KDM4C: variants seen among roughly 807,000 people sequenced by gnomAD.
KDM4C encodes lysine demethylase 4C.
KDM4C carries 81 observed loss-of-function variants against 129.3 expected under a neutral mutation model. That is an observed-to-expected ratio of 0.63 (90% CI 0.52 to 0.75). The LOEUF is 0.75. Ranked by LOEUF, KDM4C falls within the 30% of genes least tolerant of loss-of-function variation. KDM4C has a pLI of 0.00. For synonymous variants in KDM4C, 573 were observed against 456.1 expected (o/e 1.26, Z -3.26); for missense variants, 1,457 against 1,304.0 (o/e 1.12, Z -1.81).
intron 12 of KDM4C, among the ~76,000 whole-genome samples, chr9:7,002,380 A>G (rs1820888416): frequency 6.6e-6 from 1 of 152,232 alleles, no homozygotes; most frequent in Non-Finnish European, 1.5e-5. Flanking sequence ...GTTACGTTTT[A>G]TTAGTACAAT....
intron 8 of KDM4C, among the ~76,000 whole-genome samples, chr9:6,932,525 CATAGCA>C (rs1201594789): frequency 6.6e-6 from 1 of 152,146 alleles, no homozygotes. Flanking sequence ...TTGAAGCAAT[CATAGCA>C]GTAGCAGTAG....
chr9:6,948,484 TTTGCA>T (rs1827378986), intron 8 of KDM4C, among the ~76,000 whole-genome samples: 1 of 144,980 alleles, frequency 6.9e-6, no homozygotes, highest in Non-Finnish European at 1.5e-5. Context: ...TAGTGTGCTG[TTTGCA>T]TTTTTTTTTT....
chr9:7,052,580 C>T (rs1830294451), intron 17 of KDM4C, among the ~76,000 whole-genome samples: 2 of 152,182 alleles, frequency 1.3e-5, no homozygotes, highest in African/African-American at 4.8e-5. Flanking sequence ...TACTTATCTG[C>T]ATCACAGGAG....
At chr9:6,770,177 C>T (rs182239671) in intron 1 of KDM4C, among the ~76,000 whole-genome samples, 25 of 149,168 alleles carry the variant, frequency 1.7e-4, no homozygotes, top group Non-Finnish European at 3.0e-4. Context: ...GAAACTCCAT[C>T]TCAAAAAGGA....
chr9:6,835,661 A>T, intron 4 of KDM4C: 1 of 740,296 alleles, frequency 1.4e-6, no homozygotes. Context: ...GCATGGCTTT[A>T]TTTTTTGTTT....
chr9:6,916,920 C>T (rs1820411117), intron 8 of KDM4C, among the ~76,000 whole-genome samples: 2 of 152,174 alleles, frequency 1.3e-5, no homozygotes, highest in Admixed American at 1.3e-4. Context: ...AGAGTAGAAA[C>T]ATCCCAGTTT....
At chr9:6,892,682 C>G (rs1846269921) in intron 7 of KDM4C, among the ~76,000 whole-genome samples, 1 of 152,116 alleles carries the variant, frequency 6.6e-6, no homozygotes, top group South Asian at 2.1e-4. Context: ...CATGTATTAT[C>G]AAAGTTTCTG....
chr9:7,014,082 C>T, intron 14 of KDM4C, 81 bp downstream of exon 14: 1 of 1,118,224 alleles, frequency 8.9e-7, no homozygotes, highest in Admixed American at 2.0e-5. Flanking sequence ...TGGAACCTGT[C>T]AGATCTGTTG....
rs575505318 is a variant in KDM4C at position 7,163,963 on chromosome 9, C to T, written c.2782-1275C>T. ...CGGGCCTTCCATGTATACTCCTAAC[C>T]CAGCAATCAAATGGCCACTCCTTTA... On this transcript the variant is annotated intron_variant, in intron 19 of 21. Transcript: ENST00000381309. Among the ~76,000 whole-genome samples the T allele has an allele frequency of 4.6e-5, 7 of 152,258 alleles. No homozygotes were observed. The South Asian group carries it at 1.5e-3, about 32-fold the overall frequency.
At chr9:7,103,159 C>A (rs1390097664) in intron 17 of KDM4C, among the ~76,000 whole-genome samples, 1 of 152,128 alleles carries the variant, frequency 6.6e-6, no homozygotes, top group South Asian at 2.1e-4. Flanking sequence ...CGCTAGTTTC[C>A]ACATTGGACC....
At chr9:6,949,786 G>C (rs981608954) in intron 8 of KDM4C, among the ~76,000 whole-genome samples, 1 of 152,256 alleles carries the variant, frequency 6.6e-6, no homozygotes, top group African/African-American at 2.4e-5. Flanking sequence ...AGCGGAGATG[G>C]CAGCAGTACA....
chr9:7,117,416 C>G (rs903222623), intron 18 of KDM4C, among the ~76,000 whole-genome samples: 1 of 152,080 alleles, frequency 6.6e-6, no homozygotes, highest in Non-Finnish European at 1.5e-5. Context: ...GAGTGATACC[C>G]TGTGTCGCTT....
rs78506784 is a variant in KDM4C at position 7,038,603 on chromosome 9, A to G, written c.2260-8259A>G. On this transcript the variant is annotated intron_variant, in intron 15 of 21. Transcript: ENST00000381309. ...ATTCCAGTTCCCACCAGAGGTAACT[A>G]TTTTCTCCATTATAAACAGAAATGA... Among the ~76,000 whole-genome samples, 1,481 of 152,172 alleles carry G rather than the reference A, an allele frequency of 9.7e-3. 19 individuals are homozygous for G. Among genetic ancestry groups the G allele is most frequent in the Non-Finnish European group, 0.013 (871 of 67,960 alleles).
Position 6,798,168 on chromosome 9 carries a change from G to C in KDM4C, c.144+5036G>C, listed in dbSNP as rs182155103. ...AGCACAAGGTAATATTTGGATTTTTGTAAGTTTATTGTGTGCCTTGCTTCT... is the reference window on the plus strand; with the variant it reads ...AGCACAAGGTAATATTTGGATTTTTCTAAGTTTATTGTGTGCCTTGCTTCT... On this transcript the variant is annotated intron_variant, in intron 2 of 21. Coordinates refer to ENST00000381309, the MANE Select transcript of KDM4C (RefSeq NM_015061.6). 1.4e-3 allele frequency among the ~76,000 whole-genome samples: 218 copies of C among 152,054 alleles called. 1 individual carries two copies. Among genetic ancestry groups the C allele is most frequent in the Non-Finnish European group, 2.7e-3 (181 of 67,978 alleles).
At chr9:6,886,340 G>GTC (rs1845254789) in intron 6 of KDM4C, among the ~76,000 whole-genome samples, 2 of 146,570 alleles carry the variant, frequency 1.4e-5, no homozygotes, top group East Asian at 3.9e-4. Flanking sequence ...TTTTTTTGGA[G>GTC]TCTCTCTCGT....
At chr9:7,086,729 G>A (rs12346961) in intron 17 of KDM4C, among the ~76,000 whole-genome samples, 42 of 152,268 alleles carry the variant, frequency 2.8e-4, no homozygotes, top group African/African-American at 9.1e-4. Context: ...TCATCTGGCC[G>A]GGGTCTTCCA....
intron 1 of KDM4C, among the ~76,000 whole-genome samples, chr9:6,783,723 G>A (rs980598303): frequency 5.3e-5 from 8 of 152,170 alleles, no homozygotes; most frequent in African/African-American, 1.9e-4. Flanking sequence ...GGCTTTTCTG[G>A]TTTCAGAGGC....
chr9:6,977,412 A>C (rs1001385946), intron 8 of KDM4C, among the ~76,000 whole-genome samples: 1 of 152,180 alleles, frequency 6.6e-6, no homozygotes, highest in African/African-American at 2.4e-5. Context: ...GTATGTTCTG[A>C]AAGTTATTCT....
chr9:6,858,118 C>T (rs573948882), intron 5 of KDM4C, among the ~76,000 whole-genome samples: 1 of 151,864 alleles, frequency 6.6e-6, no homozygotes, highest in Admixed American at 6.6e-5. Flanking sequence ...CTATGCCTGG[C>T]AGTAACCTGC....
Sources: allele counts gnomAD v4.1 joint callset (sites outside exome capture counted in the v4.1 genomes callset), GRCh38; gene constraint gnomAD v4.1.1; transcripts MANE v1.5; gene names NCBI Gene and HGNC (gene_info 2026-07-23, HGNC 2026-07-21).